WDR59: variants seen among roughly 807,000 people sequenced by gnomAD.
WDR59 encodes the protein GATOR2 complex protein WDR59.
A neutral mutation model predicts 131.2 loss-of-function variants in WDR59; 100 were observed. The observed-to-expected ratio is 0.76, with a 90% CI of 0.65 to 0.90. WDR59 has a LOEUF of 0.90. Ranked by LOEUF, WDR59 falls within the 40% of genes least tolerant of loss-of-function variation. The probability of loss-of-function intolerance (pLI) is 0.00; values close to 1 mark genes in which losing one functional copy is unlikely to be tolerated. For synonymous variants in WDR59, 601 were observed against 466.2 expected, an observed-to-expected ratio of 1.29 and a Z score of -3.72; for missense variants, 1,203 against 1,262.2, an observed-to-expected ratio of 0.95 and a Z score of 0.71.
At chr16:74,899,129 A>C (rs1242722839) in intron 18 of WDR59, among the ~76,000 whole-genome samples, 1 of 152,212 alleles carries the variant, frequency 6.6e-6, no homozygotes, top group Non-Finnish European at 1.5e-5. Flanking sequence ...AAAGAAAAGG[A>C]AAAGAGGATG....
At chr16:74,931,886 A>G (rs1342492889) in intron 8 of WDR59, among the ~76,000 whole-genome samples, 1 of 152,038 alleles carries the variant, frequency 6.6e-6, no homozygotes, top group Middle Eastern at 3.2e-3. Flanking sequence ...AAAAAAAAGA[A>G]CAACTTAGCT....
At position 74,915,924 on chromosome 16, in the gene WDR59, G is replaced by A. The variant is rs377551844; in HGVS notation, c.1170C>T (p.Thr390=). ...TGATCAGGGAGAATTCCTGCTGCAA[G>A]GTCTGAGGCAGCCCCAGTTGATCTG... ...RKSDQLGLPQ[T]LQQEFSLINV... is the part of the protein sequence containing the mutation. The change falls in exon 13 of 26, where the codon ACC becomes ACT. Residue 390 remains threonine (T), a synonymous_variant. Transcript: ENST00000262144. The A allele has an allele frequency of 1.1e-5, 17 of 1,614,086 alleles. No homozygotes were observed. The highest frequency in any genetic ancestry group is 1.4e-5 in the Non-Finnish European group (17 of 1,180,038).
At chr16:74,965,913 C>T (rs1019961438) in intron 1 of WDR59, 91 bp from the exon 2 acceptor site, 2 of 1,373,022 alleles carry the variant, frequency 1.5e-6, no homozygotes, top group South Asian at 1.2e-5. Context: ...TTCCTGTCTC[C>T]CAAGAAGTCC....
At chr16:74,951,682 G>C in intron 3 of WDR59, 139 bp from the exon 4 acceptor site, 3 of 718,700 alleles carry the variant, frequency 4.2e-6, no homozygotes, top group Non-Finnish European at 7.3e-6. Flanking sequence ...TCTTTAAAAA[G>C]CCATCAGGAA....
Position 74,918,073 on chromosome 16 carries a change from G to A in WDR59, c.887-65C>T. 5 of 1,490,948 alleles carry A rather than the reference G, an allele frequency of 3.4e-6. No individual in the cohort carries two copies. In the South Asian group the frequency reaches 4.6e-5, roughly 14 times the overall value. 92.4% of individuals were successfully genotyped at this position (1,490,948 alleles called of 1,614,324 possible). On this transcript the variant is annotated intron_variant, in intron 10 of 25. Coordinates refer to ENST00000262144, the MANE Select transcript of WDR59 (RefSeq NM_030581.4). ...ATTCAACGTCTATTTGCTAGAGGTT[G>A]AAATGGAGTGAGATTCATCCATCCA...
chr16:74,907,478 T>C (rs1965873545), intron 17 of WDR59, among the ~76,000 whole-genome samples: 1 of 152,182 alleles, frequency 6.6e-6, no homozygotes, highest in Non-Finnish European at 1.5e-5. Flanking sequence ...CCTGCCGCCA[T>C]GTAAGAAGTG....
Position 74,916,202 on chromosome 16 carries a change from G to A in WDR59, c.1024C>T (p.Leu342=). The change falls in exon 12 of 26, where the codon CTG becomes TTG. Residue 342 remains leucine (L), a synonymous_variant. Coordinates refer to ENST00000262144, the MANE Select transcript of WDR59 (RefSeq NM_030581.4). ...VDEFIESISL[L]PEPEKTLHTE... The stretch of plus-strand genomic sequence containing the variant: ...TGCAGGGTCTTCTCAGGTTCCGGCA[G>A]AAGGGAAATACTCTCAATGAACTCA... 1 of 1,614,014 alleles carries A rather than the reference G, an allele frequency of 6.2e-7. No homozygotes were observed. The highest frequency in any genetic ancestry group is 1.1e-5 in the South Asian group (1 of 91,064).
chr16:74,873,336 G>T lies in WDR59; in HGVS notation c.*873C>A, dbSNP rs12928321. On this transcript the variant is annotated 3_prime_UTR_variant, in exon 26 of 26. Transcript: ENST00000262144. ...GTGGGATTACAGGCATGAGCCATGG[G>T]GCCTGGCCAGGGAGACTTTTCTATC... is the stretch of plus-strand genomic sequence containing the variant. The T allele has an allele frequency of 0.26, 40,026 of 152,222 alleles. 6,354 individuals are homozygous for T. The highest frequency in any genetic ancestry group is 0.54 in the East Asian group (2,779 of 5,172). 9.4% of individuals were successfully genotyped at this position (152,222 alleles called of 1,614,324 possible). A position where few individuals can be genotyped will look rare whatever the true frequency, so the allele number is the denominator to read the frequency against.
rs1597655669 is a variant in WDR59, at chr16:74,893,571, T to C, written c.2000+108A>G. The C allele has an allele frequency of 2.2e-5, 28 of 1,280,024 alleles. No individual in the cohort carries two copies. In the East Asian group the frequency reaches 6.8e-4, roughly 31 times the overall value. 79.3% of individuals were successfully genotyped at this position (1,280,024 alleles called of 1,614,324 possible). A position where few individuals can be genotyped will look rare whatever the true frequency, so the allele number is the denominator to read the frequency against. On this transcript the variant is annotated intron_variant, in intron 19 of 25. Transcript: ENST00000262144. ...CAACAGAAAGCTAATACATTGGGCT[T>C]TTCCTAAAACTGCTTTTGAAGAAAG... is the stretch of plus-strand genomic sequence containing the variant.
intron 7 of WDR59, among the ~76,000 whole-genome samples, chr16:74,939,391 T>C (rs985864778): frequency 1.3e-5 from 2 of 152,122 alleles, no homozygotes; most frequent in African/African-American, 2.4e-5. Flanking sequence ...TGAATCAATA[T>C]ACTACAGCTA....
chr16:74,886,451 A>G, intron 23 of WDR59, 55 bp from the exon 24 acceptor site: 1 of 1,597,078 alleles, frequency 6.3e-7, no homozygotes, highest in East Asian at 2.2e-5. Flanking sequence ...CATGGAAAAT[A>G]TCTGAAGAGT....
At chr16:74,937,717 G>A (rs1276009267) in intron 8 of WDR59, among the ~76,000 whole-genome samples, 1 of 152,130 alleles carries the variant, frequency 6.6e-6, no homozygotes, top group Non-Finnish European at 1.5e-5. Flanking sequence ...GGCCAGGCTG[G>A]TCTTGAACTC....
chr16:74,906,772 A>G (rs534779704), intron 17 of WDR59, among the ~76,000 whole-genome samples: 17 of 152,320 alleles, frequency 1.1e-4, no homozygotes, highest in African/African-American at 3.8e-4. Flanking sequence ...TTCCACTTCA[A>G]TGAAGTTCAA....
In WDR59 at chr16:74,942,669, C is replaced by G. The variant is rs974705842; in HGVS notation, c.534+69G>C. ...GACTCTCAAGCCAAGTCCTGGCACTCATAAAATCATCTTCACACCCTCTGG... is the reference window on the plus strand; with the variant it reads ...GACTCTCAAGCCAAGTCCTGGCACTGATAAAATCATCTTCACACCCTCTGG... On this transcript the variant is annotated intron_variant, in intron 7 of 25. Coordinates refer to ENST00000262144, the MANE Select transcript of WDR59 (RefSeq NM_030581.4). 2.7e-6 allele frequency: 4 copies of G among 1,507,450 alleles called. No homozygotes were observed. The African/African-American group carries it at 5.5e-5, about 21-fold the overall frequency. 93.4% of individuals were successfully genotyped at this position (1,507,450 alleles called of 1,614,324 possible). A position where few individuals can be genotyped will look rare whatever the true frequency, so the allele number is the denominator to read the frequency against.
intron 2 of WDR59, among the ~76,000 whole-genome samples, chr16:74,960,312 C>G (rs2033501235): frequency 6.6e-6 from 1 of 151,658 alleles, no homozygotes; most frequent in Non-Finnish European, 1.5e-5. Flanking sequence ...GCTTGGGCAA[C>G]AGAGCGAAAC....
At chr16:74,923,905 G>A (rs1399706738) in intron 9 of WDR59, 21 bp downstream of exon 9, 2 of 1,608,218 alleles carry the variant, frequency 1.2e-6, no homozygotes, top group African/African-American at 1.3e-5. Context: ...TTCTTATCAA[G>A]AGGCAGGGTG....
chr16:74,966,934 C>T (rs528946383), intron 1 of WDR59, among the ~76,000 whole-genome samples: 4 of 152,294 alleles, frequency 2.6e-5, no homozygotes, highest in South Asian at 4.1e-4. Flanking sequence ...GCAGTTATTG[C>T]CCTGAATTTC....
intron 1 of WDR59, among the ~76,000 whole-genome samples, chr16:74,966,080 C>T (rs1328568626): frequency 6.6e-6 from 1 of 152,092 alleles, no homozygotes; most frequent in African/African-American, 2.4e-5. Context: ...CTCAAGTGAT[C>T]CTCCCATTTC....
chr16:74,907,958 C>T (rs965464450), intron 17 of WDR59, among the ~76,000 whole-genome samples: 11 of 152,164 alleles, frequency 7.2e-5, no homozygotes, highest in Non-Finnish European at 1.0e-4. Flanking sequence ...GATCTGGGCA[C>T]GTTGGCTCTG....
Sources: gnomAD v4.1 joint callset for allele counts (sites outside exome capture counted in the v4.1 genomes callset) on GRCh38, gnomAD v4.1.1 for gene constraint, MANE v1.5 for transcripts, NCBI Gene and HGNC (gene_info 2026-07-23, HGNC 2026-07-21) for gene names.